GRM7: variants seen among roughly 807,000 people sequenced by gnomAD.
GRM7 encodes the protein metabotropic glutamate receptor 7.
Under a neutral mutation model 84.5 loss-of-function variants are expected in GRM7, and 35 were observed. That is an observed-to-expected ratio of 0.41 (90% CI 0.32 to 0.55). The LOEUF (loss-of-function observed/expected upper bound fraction) is 0.55, where lower values mean the gene tolerates loss of function less well. Among genes scored for constraint, GRM7 ranks in the 20% least tolerant of loss-of-function variants. The probability of loss-of-function intolerance (pLI) is 0.19; values close to 1 mark genes in which losing one functional copy is unlikely to be tolerated. For missense variants in GRM7, 1,003 were observed against 1,194.6 expected, an observed-to-expected ratio of 0.84 and a Z score of 2.36; for synonymous variants, 487 against 455.1, an observed-to-expected ratio of 1.07 and a Z score of -0.89.
chr3:7,568,963 G>A (rs1694490977), intron 7 of GRM7, among the ~76,000 whole-genome samples: 1 of 152,132 alleles, frequency 6.6e-6, no homozygotes, highest in Non-Finnish European at 1.5e-5. Context: ...GACCACCCAA[G>A]GGCTGAGGAG....
chr3:7,545,079 A>G (rs199667677), intron 7 of GRM7, among the ~76,000 whole-genome samples: 8 of 152,336 alleles, frequency 5.3e-5, no homozygotes, highest in African/African-American at 1.2e-4. Flanking sequence ...GAGTGAATCA[A>G]TTGATGGATT....
chr3:7,014,625 A>C (rs1181004751), intron 1 of GRM7, among the ~76,000 whole-genome samples: 1 of 152,164 alleles, frequency 6.6e-6, no homozygotes, highest in Non-Finnish European at 1.5e-5. Context: ...CATAATTAGC[A>C]TATTTTGAAA....
chr3:7,574,720 A>G (rs1427931811), intron 7 of GRM7, among the ~76,000 whole-genome samples: 3 of 152,202 alleles, frequency 2.0e-5, no homozygotes, highest in Non-Finnish European at 4.4e-5. Context: ...TATTTCAGAT[A>G]AGAACCTCAG....
chr3:7,722,085 T>G (rs888508978), intron 9 of GRM7, among the ~76,000 whole-genome samples: 1 of 152,176 alleles, frequency 6.6e-6, no homozygotes, highest in Non-Finnish European at 1.5e-5. Flanking sequence ...ACCCTAACAG[T>G]GTCAAAAAAC....
chr3:7,029,903 T>A (rs1361488991), intron 1 of GRM7, among the ~76,000 whole-genome samples: 1 of 152,216 alleles, frequency 6.6e-6, no homozygotes, highest in Non-Finnish European at 1.5e-5. Context: ...AGTTATACAT[T>A]TATGTATAAT....
chr3:7,166,766 G>T (rs1694813709), intron 2 of GRM7, among the ~76,000 whole-genome samples: 1 of 152,158 alleles, frequency 6.6e-6, no homozygotes, highest in Non-Finnish European at 1.5e-5. Flanking sequence ...GCTTGAATCA[G>T]TCCCTGGGCA....
At chr3:6,982,662 G>A (rs1320015837) in intron 1 of GRM7, among the ~76,000 whole-genome samples, 2 of 151,174 alleles carry the variant, frequency 1.3e-5, no homozygotes, top group African/African-American at 4.9e-5. Context: ...GTCTCCCCCA[G>A]CTGGTAAACC....
At position 6,862,444 on chromosome 3, in the gene GRM7, GTCCGCATC is replaced by G. The variant is rs1559291089; in HGVS notation, c.519+541_519+548del. Among the ~76,000 whole-genome samples the G allele has an allele frequency of 6.6e-6, 1 of 152,210 alleles. No individual in the cohort carries two copies. Among genetic ancestry groups the G allele is most frequent in the South Asian group, 2.1e-4 (1 of 4,828 alleles). ...GTCTTAACCTAGATGTGGATGTTAAGTCCGCATCTCCCTCGGGCTGATTTCCCGACCTG... is the reference window on the plus strand; with the variant it reads ...GTCTTAACCTAGATGTGGATGTTAAGTCCCTCGGGCTGATTTCCCGACCTG... On this transcript the variant is annotated intron_variant, in intron 1 of 9. Transcript: ENST00000357716. This position sits in a 1 kb window ranked among gnomAD's most constrained non-coding sequence, Gnocchi z 5.2.
intron 7 of GRM7, among the ~76,000 whole-genome samples, chr3:7,542,825 C>T (rs535503460): frequency 6.6e-6 from 1 of 152,188 alleles, no homozygotes; most frequent in East Asian, 1.9e-4. Flanking sequence ...GGATTACAGG[C>T]GTGAGCCACT....
intron 7 of GRM7, among the ~76,000 whole-genome samples, chr3:7,508,346 C>A (rs944666330): frequency 6.6e-6 from 1 of 151,936 alleles, no homozygotes; most frequent in African/African-American, 2.4e-5. Flanking sequence ...CCAATCTGTG[C>A]CTTAAATTTA....
chr3:7,413,837 A>AAAT (rs372186564), intron 4 of GRM7, among the ~76,000 whole-genome samples: 2 of 152,034 alleles, frequency 1.3e-5, no homozygotes, highest in South Asian at 2.1e-4. Flanking sequence ...GGGAACTTGA[A>AAAT]AATAATAATA....
chr3:7,167,396 A>T (rs1173790551), intron 2 of GRM7, among the ~76,000 whole-genome samples: 1 of 152,158 alleles, frequency 6.6e-6, no homozygotes, highest in African/African-American at 2.4e-5. Flanking sequence ...ACATCCCTGC[A>T]TGTGCCATTG....
At chr3:6,900,628 A>G (rs542967149) in intron 1 of GRM7, among the ~76,000 whole-genome samples, 3 of 152,240 alleles carry the variant, frequency 2.0e-5, no homozygotes, top group Non-Finnish European at 4.4e-5. Context: ...ATACAGAAAG[A>G]GAAGTCTACT....
chr3:7,000,351 T>C (rs77438395), intron 1 of GRM7, among the ~76,000 whole-genome samples: 1,570 of 152,064 alleles, frequency 0.01, 30 homozygotes, highest in African/African-American at 0.036. Flanking sequence ...TGTTATTTTA[T>C]TTTATTTTAT....
At chr3:6,937,431 C>G (rs180948895) in intron 1 of GRM7, among the ~76,000 whole-genome samples, 1 of 152,218 alleles carries the variant, frequency 6.6e-6, no homozygotes, top group Admixed American at 6.6e-5. Flanking sequence ...ATAGCTTCAT[C>G]TGGAAGGCCT....
chr3:7,296,076 T>C (rs961727527), intron 2 of GRM7, among the ~76,000 whole-genome samples: 1 of 151,970 alleles, frequency 6.6e-6, no homozygotes, highest in Non-Finnish European at 1.5e-5. Context: ...GAGTTTAGTA[T>C]TGTTATCATA....
At chr3:7,019,613 A>C (rs1373550124) in intron 1 of GRM7, among the ~76,000 whole-genome samples, 3 of 152,228 alleles carry the variant, frequency 2.0e-5, no homozygotes. Flanking sequence ...ATAAGAGTGC[A>C]TGGAAAGTGG....
At chr3:7,462,443 T>A (rs1444581581) in intron 7 of GRM7, among the ~76,000 whole-genome samples, 1 of 152,192 alleles carries the variant, frequency 6.6e-6, no homozygotes, top group East Asian at 1.9e-4. Flanking sequence ...TTCGACCAAC[T>A]ATCAGGGCAC....
At chr3:7,186,138 G>C (rs9826819) in intron 2 of GRM7, among the ~76,000 whole-genome samples, 106,613 of 152,158 alleles carry the variant, frequency 0.7, 39,145 homozygotes, top group African/African-American at 0.9. Context: ...AGCTGACTGT[G>C]TAAACACTAG....
Sources: allele counts gnomAD v4.1 joint callset (sites outside exome capture counted in the v4.1 genomes callset), GRCh38; gene constraint gnomAD v4.1.1; non-coding constraint Gnocchi (gnomAD v3.1); transcripts MANE v1.5; gene names NCBI Gene and HGNC (gene_info 2026-07-23, HGNC 2026-07-21).